The following SLC24A3 variants were observed in gnomAD, a reference collection of about 807,000 sequenced individuals.
SLC24A3 encodes solute carrier family 24 member 3.
Under a neutral mutation model 75.8 loss-of-function variants are expected in SLC24A3, and 28 were observed. The ratio of observed to expected loss-of-function variants is 0.37; its 90% CI spans 0.27 to 0.51. The LOEUF is 0.51. Ranked by LOEUF, SLC24A3 falls within the 20% of genes least tolerant of loss-of-function variation. The pLI is 0.94. For synonymous variants in SLC24A3, 372 were observed against 334.1 expected, an observed-to-expected ratio of 1.11 and a Z score of -1.24; for missense variants, 663 against 847.8, an observed-to-expected ratio of 0.78 and a Z score of 2.71.
At chr20:19,250,733 C>T (rs2122179136) in intron 1 of SLC24A3, among the ~76,000 whole-genome samples, 2 of 152,180 alleles carry the variant, frequency 1.3e-5, no homozygotes, top group South Asian at 4.1e-4. Flanking sequence ...TTAAGAAATC[C>T]AAAACACTTT....
At chr20:19,311,832 G>A (rs1984464588) in intron 2 of SLC24A3, among the ~76,000 whole-genome samples, 2 of 152,102 alleles carry the variant, frequency 1.3e-5, no homozygotes. Flanking sequence ...TCTTCCCAAA[G>A]GGTGGCCTGG....
chr20:19,675,567 G>A (rs568340087), intron 9 of SLC24A3, among the ~76,000 whole-genome samples: 2 of 152,208 alleles, frequency 1.3e-5, no homozygotes, highest in Non-Finnish European at 2.9e-5. Flanking sequence ...CATTTGTGAG[G>A]GGAGCCATCC....
At chr20:19,445,201 C>A (rs1439607682) in intron 2 of SLC24A3, among the ~76,000 whole-genome samples, 1 of 152,156 alleles carries the variant, frequency 6.6e-6, no homozygotes, top group Admixed American at 6.5e-5. Context: ...TCATTCCTCA[C>A]CCCTTATTTC....
chr20:19,307,764 TAAAATA>T (rs1278107230), intron 2 of SLC24A3, among the ~76,000 whole-genome samples: 1 of 151,876 alleles, frequency 6.6e-6, no homozygotes, highest in African/African-American at 2.4e-5. Flanking sequence ...GAACTTCAAG[TAAAATA>T]AAAATAAAAA....
At chr20:19,462,941 T>G (rs13044752) in intron 2 of SLC24A3, among the ~76,000 whole-genome samples, 3,191 of 152,266 alleles carry the variant, frequency 0.021, 41 homozygotes, top group Admixed American at 0.036. Context: ...TAGTTTGAGA[T>G]TCTGTTTCTA....
At chr20:19,348,507 C>A (rs1217081858) in intron 2 of SLC24A3, among the ~76,000 whole-genome samples, 1 of 152,150 alleles carries the variant, frequency 6.6e-6, no homozygotes, top group Non-Finnish European at 1.5e-5. Context: ...CTCCCCCTAG[C>A]CACCCTGTTT....
chr20:19,681,954 C>T lies in SLC24A3; in HGVS notation c.864C>T (p.Ser288=). The T allele has an allele frequency of 6.2e-7, 1 of 1,614,154 alleles. No individual in the cohort carries two copies. Among genetic ancestry groups the T allele is most frequent in the South Asian group, 1.1e-5 (1 of 91,078 alleles). ...GLANNAEIDD[S]SNCDATVVLL... The stretch of plus-strand genomic sequence containing the variant: ...CCAACAATGCTGAAATTGATGACAG[C>T]AGCAACTGCGACGCAACTGTGGTGC... The change falls in exon 10 of 17, where the codon AGC becomes AGT. Residue 288 remains serine (S), a synonymous_variant. Transcript: ENST00000328041.
At chr20:19,572,110 G>A (rs186220075) in intron 3 of SLC24A3, among the ~76,000 whole-genome samples, 1 of 152,286 alleles carries the variant, frequency 6.6e-6, no homozygotes, top group African/African-American at 2.4e-5. Flanking sequence ...GCTGAGAGGG[G>A]AGGATCGCTT....
chr20:19,370,706 A>G (rs564974040), intron 2 of SLC24A3, among the ~76,000 whole-genome samples: 2 of 152,296 alleles, frequency 1.3e-5, no homozygotes, highest in African/African-American at 4.8e-5. Flanking sequence ...TTTCCTGCCA[A>G]CCTATCCCAG....
chr20:19,678,660 C>G (rs1248140292), intron 9 of SLC24A3, among the ~76,000 whole-genome samples: 2 of 148,882 alleles, frequency 1.3e-5, no homozygotes, highest in South Asian at 4.2e-4. Context: ...CCACCTCCCT[C>G]CCGGACACGG....
intron 1 of SLC24A3, among the ~76,000 whole-genome samples, chr20:19,239,855 G>T (rs1029414726): frequency 2.6e-4 from 39 of 152,266 alleles, no homozygotes; most frequent in South Asian, 8.3e-4. Flanking sequence ...GGCAGCCTTG[G>T]CACTAGTCCA....
intron 6 of SLC24A3, among the ~76,000 whole-genome samples, chr20:19,620,510 G>T (rs2031789607): frequency 6.6e-6 from 1 of 152,200 alleles, no homozygotes; most frequent in African/African-American, 2.4e-5. Flanking sequence ...TCAGCAGTTT[G>T]ACATTAAAGC....
intron 3 of SLC24A3, among the ~76,000 whole-genome samples, chr20:19,558,436 G>T (rs977193437): frequency 6.6e-6 from 1 of 152,030 alleles, no homozygotes; most frequent in African/African-American, 2.4e-5. Context: ...CAATTATCAA[G>T]ATCACAAATT....
intron 2 of SLC24A3, among the ~76,000 whole-genome samples, chr20:19,349,179 C>G (rs1160083913): frequency 6.6e-6 from 1 of 152,174 alleles, no homozygotes; most frequent in Non-Finnish European, 1.5e-5. Context: ...TCCTAAACTT[C>G]CATAGGAACA....
chr20:19,331,472 T>C (rs201653954), intron 2 of SLC24A3, among the ~76,000 whole-genome samples: 2 of 149,968 alleles, frequency 1.3e-5, no homozygotes, highest in South Asian at 4.2e-4. Flanking sequence ...AGATAATAGA[T>C]AGAGATAGAA....
chr20:19,635,958 G>T (rs1459423200), intron 6 of SLC24A3, among the ~76,000 whole-genome samples: 3 of 152,098 alleles, frequency 2.0e-5, no homozygotes, highest in Non-Finnish European at 4.4e-5. Flanking sequence ...GGCTAACACG[G>T]TGAAACCCCG....
chr20:19,305,361 A>G (rs1263596618), intron 2 of SLC24A3, among the ~76,000 whole-genome samples: 2 of 151,954 alleles, frequency 1.3e-5, no homozygotes, highest in East Asian at 3.9e-4. Context: ...GACCCAGACT[A>G]TTTGTAATTG....
At chr20:19,330,089 G>A (rs528187454) in intron 2 of SLC24A3, among the ~76,000 whole-genome samples, 2 of 152,264 alleles carry the variant, frequency 1.3e-5, no homozygotes, top group East Asian at 1.9e-4. Flanking sequence ...AAGAGTCTGG[G>A]GCTAACCAGA....
intron 3 of SLC24A3, among the ~76,000 whole-genome samples, chr20:19,563,195 C>G (rs992977367): frequency 6.6e-6 from 1 of 152,132 alleles, no homozygotes; most frequent in Non-Finnish European, 1.5e-5. Flanking sequence ...CTATTGCTAG[C>G]CTAAATATGC....
Sources: gnomAD v4.1 joint callset for allele counts (sites outside exome capture counted in the v4.1 genomes callset) on GRCh38, gnomAD v4.1.1 for gene constraint, MANE v1.5 for transcripts, NCBI Gene and HGNC (gene_info 2026-07-23, HGNC 2026-07-21) for gene names.